TRIM71: variants seen among roughly 807,000 people sequenced by gnomAD.
The protein encoded by TRIM71 is tripartite motif containing 71.
In TRIM71, 9 loss-of-function variants were observed where a neutral mutation model predicts 61.2. That is an observed-to-expected ratio of 0.15 (90% CI 0.09 to 0.26). The LOEUF (loss-of-function observed/expected upper bound fraction) is 0.26. TRIM71 is among the 10% of genes least tolerant of loss of function. The pLI, the probability that TRIM71 is intolerant of heterozygous loss-of-function variation, is 1.00. For synonymous variants in TRIM71, 645 were observed against 553.2 expected, an observed-to-expected ratio of 1.17 and a Z score of -2.33; for missense variants, 998 against 1,238.7, an observed-to-expected ratio of 0.81 and a Z score of 2.92.
chr3:32,818,394 G>A lies in TRIM71; in HGVS notation c.314G>A (p.Gly105Asp). Residue 105 changes from glycine (G) to aspartate (D), a missense_variant, in exon 1 of 4, where the codon GGT (glycine) becomes GAT (aspartate). Transcript: ENST00000383763. ...DQKVVLAEAA[G>D]MDALPSSAFL... is the part of the protein sequence containing the mutation. The stretch of plus-strand genomic sequence containing the variant: ...AAAGTAGTGCTAGCCGAGGCGGCGG[G>A]TATGGACGCGCTGCCTTCGTCCGCC... 1 of 1,479,150 alleles carries A rather than the reference G, an allele frequency of 6.8e-7. No individual in the cohort carries two copies. Among genetic ancestry groups the A allele is most frequent in the Non-Finnish European group, 8.9e-7 (1 of 1,119,460 alleles). The allele number at this position is 1,479,150 out of a possible 1,614,324, so 91.6% of individuals were successfully genotyped here.
intron 1 of TRIM71, among the ~76,000 whole-genome samples, chr3:32,856,909 T>TCCA (rs902300094): frequency 6.6e-6 from 1 of 152,172 alleles, no homozygotes; most frequent in Admixed American, 6.5e-5. Context: ...GGATGAATTC[T>TCCA]CCACCACCAC....
intron 1 of TRIM71, 44 bp from the exon 2 acceptor site, chr3:32,873,774 C>T (rs778462489): frequency 1.1e-5 from 15 of 1,425,892 alleles, no homozygotes; most frequent in Middle Eastern, 1.9e-4. Context: ...CTCCTCCTCC[C>T]GTCCTGCATC....
intron 1 of TRIM71, among the ~76,000 whole-genome samples, chr3:32,835,037 T>TC (rs1696319767): frequency 6.6e-6 from 1 of 152,058 alleles, no homozygotes; most frequent in African/African-American, 2.4e-5. Flanking sequence ...CCAATTGTCT[T>TC]CCCCATCAAA....
At chr3:32,820,805 G>T (rs1696118521) in intron 1 of TRIM71, among the ~76,000 whole-genome samples, 1 of 152,186 alleles carries the variant, frequency 6.6e-6, no homozygotes, top group Non-Finnish European at 1.5e-5. Flanking sequence ...CACTCACCCT[G>T]GGAGGTACTC....
Position 32,890,596 on chromosome 3 carries a change from C to G in TRIM71, c.1392C>G (p.Pro464=), listed in dbSNP as rs768719110. The G allele has an allele frequency of 6.2e-7, 1 of 1,613,972 alleles. No homozygotes were observed. The highest frequency in any genetic ancestry group is 1.7e-5 in the Admixed American group (1 of 60,026). ...ACGACCGAGTCATGTTCACACCCCC[C>G]GATCAGGCACTGTACCTTGCCATCA... ...QEDDRVMFTP[P]DQALYLAIKS... is the part of the protein sequence containing the mutation. Residue 464 remains proline, a synonymous_variant, in exon 4 of 4, where the codon CCC becomes CCG. Transcript: ENST00000383763. The surrounding 1 kb of genome is among the most constrained non-coding windows in gnomAD (Gnocchi z 6.2).
At chr3:32,865,387 G>A (rs936233346) in intron 1 of TRIM71, among the ~76,000 whole-genome samples, 29 of 152,044 alleles carry the variant, frequency 1.9e-4, no homozygotes, top group Admixed American at 1.6e-3. Flanking sequence ...TGCAGCCTGC[G>A]GAGGGTCAGA....
rs569170776 is a variant in TRIM71 at position 32,856,268 on chromosome 3, C to T, written c.853-17550C>T. On this transcript the variant is annotated intron_variant, in intron 1 of 3. Transcript: ENST00000383763. ...TCCTGACCTCGTGATCCGCCTGCCT[C>T]GGCCTCCCAAAGTGCTGGGATTACA... Among the ~76,000 whole-genome samples, 6 of 152,266 alleles carry T rather than the reference C, an allele frequency of 3.9e-5. 1 individual carries two copies. In the East Asian group the frequency reaches 5.8e-4, roughly 15 times the overall value.
intron 1 of TRIM71, among the ~76,000 whole-genome samples, chr3:32,858,116 G>A (rs528800712): frequency 2.6e-5 from 4 of 152,186 alleles, no homozygotes; most frequent in Non-Finnish European, 5.9e-5. Context: ...TGCTGTCTTA[G>A]GGGTGGCAGA....
chr3:32,891,852 G>GTGTC lies in TRIM71; in HGVS notation c.*42_*43insGTCT. The GTGTC allele has an allele frequency of 2.1e-6, 3 of 1,439,948 alleles. No individual in the cohort carries two copies. The highest frequency in any genetic ancestry group is 9.4e-7 in the Non-Finnish European group (1 of 1,065,132). The allele number at this position is 1,439,948 out of a possible 1,614,324, so 89.2% of individuals were successfully genotyped here. On this transcript the variant is annotated 3_prime_UTR_variant, in exon 4 of 4. Transcript: ENST00000383763. The surrounding 1 kb of genome is among the most constrained non-coding windows in gnomAD (Gnocchi z 8.2). ...TTCTGTGTTTGGGGTGTGTGTGCGT[G>GTGTC]TCTCTCTCTCTCTCTCTCTCTTTCT...
intron 2 of TRIM71, among the ~76,000 whole-genome samples, chr3:32,883,834 G>A (rs1696933503): frequency 6.6e-6 from 1 of 152,230 alleles, no homozygotes; most frequent in Admixed American, 6.5e-5. Flanking sequence ...CTTAGCTCCT[G>A]CTTTGATATG....
chr3:32,843,634 T>C (rs1370487905), intron 1 of TRIM71, among the ~76,000 whole-genome samples: 1 of 152,184 alleles, frequency 6.6e-6, no homozygotes, highest in Non-Finnish European at 1.5e-5. Context: ...TTTAATTAAC[T>C]GTGTTTAATC....
intron 1 of TRIM71, among the ~76,000 whole-genome samples, chr3:32,862,112 G>A (rs893995874): frequency 1.3e-5 from 2 of 152,146 alleles, no homozygotes; most frequent in Non-Finnish European, 2.9e-5. Context: ...GCCTAGAAAG[G>A]TAACTGGCTC....
intron 1 of TRIM71, among the ~76,000 whole-genome samples, chr3:32,866,788 G>C: frequency 6.6e-6 from 1 of 152,168 alleles, no homozygotes; most frequent in Non-Finnish European, 1.5e-5. Context: ...TGGGGCATTG[G>C]GGGAGCAGGG....
chr3:32,860,597 C>G (rs1251935711), intron 1 of TRIM71, among the ~76,000 whole-genome samples: 4 of 152,180 alleles, frequency 2.6e-5, no homozygotes, highest in African/African-American at 4.8e-5. Flanking sequence ...CACCATTGCT[C>G]TCTACAGTTT....
At chr3:32,880,267 G>T (rs1028340348) in intron 2 of TRIM71, among the ~76,000 whole-genome samples, 6 of 151,908 alleles carry the variant, frequency 3.9e-5, no homozygotes, top group Admixed American at 6.6e-5. Flanking sequence ...GGTGTCAAGT[G>T]ATCTATCCGC....
At chr3:32,876,129 C>T (rs1696850007) in intron 2 of TRIM71, among the ~76,000 whole-genome samples, 1 of 152,188 alleles carries the variant, frequency 6.6e-6, no homozygotes, top group Admixed American at 6.5e-5. Context: ...ACCTGTGCAT[C>T]ATTCTGTTGT....
rs547205615 is a variant in TRIM71 at position 32,845,618 on chromosome 3, A to G, written c.852+26686A>G. ...ATGATATTATAAGCCAGTTGTATGT[A>G]TTGTTAATGACAGTATGCCCTGTGA... is the stretch of plus-strand genomic sequence containing the variant. On this transcript the variant is annotated intron_variant, in intron 1 of 3. Transcript: ENST00000383763. Among the ~76,000 whole-genome samples, 11 of 152,264 alleles carry G rather than the reference A, an allele frequency of 7.2e-5. No homozygotes were observed. The South Asian group carries it at 1.9e-3, about 26-fold the overall frequency.
At chr3:32,878,197 G>A (rs553654127) in intron 2 of TRIM71, among the ~76,000 whole-genome samples, 3 of 152,332 alleles carry the variant, frequency 2.0e-5, no homozygotes, top group Admixed American at 6.5e-5. Flanking sequence ...AACAACTTTC[G>A]TGTCCTTGTG....
At chr3:32,889,338 C>T (rs4909032) in intron 3 of TRIM71, among the ~76,000 whole-genome samples, 46,097 of 151,896 alleles carry the variant, frequency 0.3, 7,287 homozygotes, top group Middle Eastern at 0.39. Context: ...TATTCACAGA[C>T]ACAGTCATGG....
Sources: gnomAD v4.1 joint callset for allele counts (sites outside exome capture counted in the v4.1 genomes callset) on GRCh38, gnomAD v4.1.1 for gene constraint, Gnocchi (gnomAD v3.1) non-coding constraint, MANE v1.5 for transcripts, NCBI Gene and HGNC (gene_info 2026-07-23, HGNC 2026-07-21) for gene names.